The following NBEA variants were observed in gnomAD, a reference collection of about 807,000 sequenced individuals.
NBEA encodes the protein lysosomal-trafficking regulator 2.
Under a neutral mutation model 343.4 loss-of-function variants are expected in NBEA, and 44 were observed. The observed-to-expected ratio is 0.13, with a 90% CI of 0.10 to 0.16. NBEA has a LOEUF of 0.16. NBEA is among the 10% of genes least tolerant of loss of function. The pLI is 1.00. For synonymous variants in NBEA, 1,175 were observed against 1,238.7 expected (o/e 0.95, Z 1.08); for missense variants, 2,555 against 3,631.3 (o/e 0.70, Z 7.62).
At chr13:35,232,307 C>A (rs569095172) in intron 33 of NBEA, among the ~76,000 whole-genome samples, 185 bp from the exon 34 acceptor site, 1 of 152,234 alleles carries the variant, frequency 6.6e-6, no homozygotes, top group Admixed American at 6.5e-5. Context: ...TTAGCTGAAA[C>A]CTTTCAGTAG....
chr13:35,577,636 A>G (rs3829368), intron 45 of NBEA, among the ~76,000 whole-genome samples: 16,108 of 151,888 alleles, frequency 0.11, 1,039 homozygotes, highest in African/African-American at 0.18. Flanking sequence ...AAATTTCCAC[A>G]TGGAAATTTT....
intron 48 of NBEA, among the ~76,000 whole-genome samples, chr13:35,620,065 CAAAT>C (rs1203706676): frequency 6.6e-6 from 1 of 152,030 alleles, no homozygotes; most frequent in Non-Finnish European, 1.5e-5. Context: ...GGGACACAGA[CAAAT>C]AAACAAACAG....
intron 58 of NBEA, among the ~76,000 whole-genome samples, chr13:35,669,917 A>G (rs1015176532): frequency 6.6e-6 from 1 of 152,108 alleles, no homozygotes; most frequent in Admixed American, 6.6e-5. Flanking sequence ...TCATCCATTC[A>G]CCAGGCATGA....
intron 37 of NBEA, among the ~76,000 whole-genome samples, chr13:35,350,513 G>A (rs985432043): frequency 2.6e-5 from 4 of 151,876 alleles, no homozygotes; most frequent in Admixed American, 1.3e-4. Context: ...TTCACTCTTA[G>A]GAATGAGATT....
chr13:35,385,539 A>C (rs2042206660), intron 38 of NBEA, among the ~76,000 whole-genome samples: 1 of 151,990 alleles, frequency 6.6e-6, no homozygotes, highest in Admixed American at 6.6e-5. Flanking sequence ...GTCTCTGCAA[A>C]AAATAAAATG....
chr13:35,498,137 A>C (rs1207705271), intron 41 of NBEA, among the ~76,000 whole-genome samples: 1 of 152,056 alleles, frequency 6.6e-6, no homozygotes, highest in African/African-American at 2.4e-5. Flanking sequence ...TTAGGCACTA[A>C]GTATTACTTG....
At chr13:35,097,082 T>C (rs1318128191) in intron 10 of NBEA, among the ~76,000 whole-genome samples, 5 of 151,918 alleles carry the variant, frequency 3.3e-5, no homozygotes, top group African/African-American at 1.2e-4. Context: ...TTCATTAAAC[T>C]ATGAATTTTT....
At chr13:35,543,983 A>G (rs1156334507) in intron 41 of NBEA, among the ~76,000 whole-genome samples, 1 of 152,150 alleles carries the variant, frequency 6.6e-6, no homozygotes, top group East Asian at 1.9e-4. Flanking sequence ...GTTTAAAAAG[A>G]GCATGGATGA....
At chr13:35,209,032 T>C (rs2073589423) in intron 32 of NBEA, among the ~76,000 whole-genome samples, 178 bp downstream of exon 32, 1 of 152,194 alleles carries the variant, frequency 6.6e-6, no homozygotes, top group African/African-American at 2.4e-5. Context: ...GAGTGCATTT[T>C]TTAGTGGTCA....
rs1424631558 is a variant in NBEA, at chr13:35,404,660, G to A, written c.6180-27609G>A. 2.0e-5 allele frequency among the ~76,000 whole-genome samples: 3 copies of A among 148,028 alleles called. No homozygotes were observed. The Admixed American group carries it at 2.0e-4, about 10-fold the overall frequency. On this transcript the variant is annotated intron_variant, in intron 38 of 58. Transcript: ENST00000379939. ...GGAGATATACCTAATGCTAAATGAC[G>A]AGTTAATGGGTGCAGCACACCAGCA...
At chr13:35,213,442 C>A (rs1238274331) in intron 33 of NBEA, among the ~76,000 whole-genome samples, 1 of 151,512 alleles carries the variant, frequency 6.6e-6, no homozygotes, top group Non-Finnish European at 1.5e-5. Flanking sequence ...TTTGCATTTA[C>A]ATTTATATTT....
At position 35,003,293 on chromosome 13, in the gene NBEA, G is replaced by T. The variant is rs528448335; in HGVS notation, c.295-37640G>T. On this transcript the variant is annotated intron_variant, in intron 1 of 58. Coordinates refer to ENST00000379939, the MANE Select transcript of NBEA (RefSeq NM_001385012.1). ...CTACTTCAGGGGGGCTGAGGTAAGAGAATTGATTATGCGGTGCAGCAAGCC... is the reference window on the plus strand; with the variant it reads ...CTACTTCAGGGGGGCTGAGGTAAGATAATTGATTATGCGGTGCAGCAAGCC... Among the ~76,000 whole-genome samples, 60 of 152,226 alleles carry T rather than the reference G, an allele frequency of 3.9e-4. 1 individual carries two copies. The East Asian group carries it at 0.01, about 26-fold the overall frequency.
chr13:35,436,578 C>T (rs58701950), intron 39 of NBEA, among the ~76,000 whole-genome samples: 2,229 of 151,956 alleles, frequency 0.015, 69 homozygotes, highest in African/African-American at 0.05. Context: ...GGCATGGTGG[C>T]GGGCACCTGT....
intron 41 of NBEA, among the ~76,000 whole-genome samples, chr13:35,484,489 C>T (rs1225191712): frequency 1.3e-5 from 2 of 151,916 alleles, no homozygotes; most frequent in African/African-American, 2.4e-5. Flanking sequence ...TGCATTAGCA[C>T]AGTTTTCCCC....
rs754264946 is a variant in NBEA, at chr13:35,654,847, A to G, written c.8036-8A>G. ...TTTCTTCAAATGCTTTTTTCCATTT[A>G]CTTTTAGCCAATAATTCAGGTGTAA... On this transcript the variant is annotated splice_region_variant and splice_polypyrimidine_tract_variant and intron_variant, in intron 53 of 58. Transcript: ENST00000379939. The G allele has an allele frequency of 6.4e-7, 1 of 1,561,176 alleles. No individual in the cohort carries two copies. Among genetic ancestry groups the G allele is most frequent in the Non-Finnish European group, 8.6e-7 (1 of 1,162,502 alleles).
intron 36 of NBEA, among the ~76,000 whole-genome samples, chr13:35,318,840 TG>T (rs554648546): frequency 2.0e-4 from 31 of 152,320 alleles, no homozygotes; most frequent in African/African-American, 7.2e-4. Flanking sequence ...GGAGGGTGTA[TG>T]TGTCCAGGAA....
At chr13:35,419,807 G>C (rs2152922734) in intron 38 of NBEA, among the ~76,000 whole-genome samples, 1 of 151,912 alleles carries the variant, frequency 6.6e-6, no homozygotes, top group Admixed American at 6.6e-5. Flanking sequence ...CCAAAACCCA[G>C]AATAACCTGA....
chr13:35,075,380 A>C (rs2152585758), intron 10 of NBEA, among the ~76,000 whole-genome samples: 1 of 152,252 alleles, frequency 6.6e-6, no homozygotes, highest in East Asian at 1.9e-4. Flanking sequence ...TAATTATTAA[A>C]ACTTAGTTTT....
At chr13:35,268,382 G>C (rs1449442996) in intron 34 of NBEA, among the ~76,000 whole-genome samples, 1 of 151,950 alleles carries the variant, frequency 6.6e-6, no homozygotes, top group Non-Finnish European at 1.5e-5. Flanking sequence ...TGTTTAATGG[G>C]TGTAAAGTTT....
Sources: gnomAD v4.1 joint callset for allele counts (sites outside exome capture counted in the v4.1 genomes callset) on GRCh38, gnomAD v4.1.1 for gene constraint, MANE v1.5 for transcripts, NCBI Gene and HGNC (gene_info 2026-07-23, HGNC 2026-07-21) for gene names.